Variants in PTPRD observed in about 807,000 individuals in gnomAD.
PTPRD encodes receptor-type tyrosine-protein phosphatase delta.
PTPRD carries 34 observed loss-of-function variants against 214.5 expected under a neutral mutation model. The ratio of observed to expected loss-of-function variants is 0.16; its 90% confidence interval spans 0.12 to 0.21. The LOEUF (loss-of-function observed/expected upper bound fraction) is 0.21, where lower values mean the gene tolerates loss of function less well. PTPRD is among the 10% of genes least tolerant of loss of function. PTPRD has a pLI of 1.00. For missense variants in PTPRD, 2,545 were observed against 2,398.7 expected, an observed-to-expected ratio of 1.06 and a Z score of -1.27; for synonymous variants, 1,128 against 845.7, an observed-to-expected ratio of 1.33 and a Z score of -5.79.
At chr9:9,226,586 T>C (rs2099959625) in intron 9 of PTPRD, among the ~76,000 whole-genome samples, 1 of 151,846 alleles carries the variant, frequency 6.6e-6, no homozygotes, top group South Asian at 2.1e-4. Flanking sequence ...GGAAGGAACA[T>C]TGTATTGTTT....
At chr9:9,751,409 T>A (rs957538803) in intron 6 of PTPRD, among the ~76,000 whole-genome samples, 2 of 152,120 alleles carry the variant, frequency 1.3e-5, no homozygotes, top group African/African-American at 2.4e-5. Flanking sequence ...CTGAGTTAAC[T>A]CATCTCTACA....
At chr9:9,521,380 G>C (rs552465523) in intron 8 of PTPRD, among the ~76,000 whole-genome samples, 1 of 152,024 alleles carries the variant, frequency 6.6e-6, no homozygotes, top group Non-Finnish European at 1.5e-5. Flanking sequence ...CCCACATTCA[G>C]CTACTTGCTA....
Position 10,481,951 on chromosome 9 carries a change from T to C in PTPRD, c.-600+130447A>G, listed in dbSNP as rs371593475. 5.3e-5 allele frequency among the ~76,000 whole-genome samples: 8 copies of C among 152,158 alleles called. No individual in the cohort carries two copies. In the East Asian group the frequency reaches 1.2e-3, roughly 22 times the overall value. On this transcript the variant is annotated intron_variant, in intron 2 of 45. Coordinates refer to ENST00000381196, the MANE Select transcript of PTPRD (RefSeq NM_002839.4). The stretch of plus-strand genomic sequence containing the variant: ...TTTTAAAAGGAGACAAAATTATATT[T>C]AAGACTTAGACTTTATCCTCTCCAG...
chr9:10,295,329 C>T (rs1038164387), intron 3 of PTPRD, among the ~76,000 whole-genome samples: 19 of 152,008 alleles, frequency 1.2e-4, no homozygotes, highest in African/African-American at 4.6e-4. Flanking sequence ...TCAGTTTCAC[C>T]CAAACTATAG....
chr9:8,675,925 CT>C (rs765671366), intron 12 of PTPRD, among the ~76,000 whole-genome samples: 2 of 152,172 alleles, frequency 1.3e-5, no homozygotes, highest in Non-Finnish European at 2.9e-5. Flanking sequence ...CTGTGACATA[CT>C]GCAATGTGCT....
Position 8,758,373 on chromosome 9 carries a change from G to C in PTPRD, c.-103-24427C>G, listed in dbSNP as rs1203491497. On this transcript the variant is annotated intron_variant, in intron 11 of 45. Transcript: ENST00000381196. The stretch of plus-strand genomic sequence containing the variant: ...TTAAGGCATCAGGGCTGAACTCTGT[G>C]AGTTCAGGATGGGAAAAGCTGATAC... Among the ~76,000 whole-genome samples the C allele has an allele frequency of 2.0e-5, 3 of 152,150 alleles. No individual in the cohort carries two copies. The East Asian group carries it at 5.8e-4, about 29-fold the overall frequency.
intron 8 of PTPRD, among the ~76,000 whole-genome samples, chr9:9,521,492 G>A (rs568186084): frequency 3.7e-4 from 56 of 152,228 alleles, no homozygotes; most frequent in African/African-American, 1.3e-3. Flanking sequence ...TCTTGAAACT[G>A]GAAGAAACCT....
At chr9:8,732,090 G>T (rs944310389) in intron 12 of PTPRD, among the ~76,000 whole-genome samples, 2 of 152,194 alleles carry the variant, frequency 1.3e-5, no homozygotes, top group African/African-American at 4.8e-5. Context: ...GAAGAAGAAC[G>T]AGAGGAAGAT....
chr9:9,225,544 C>T (rs1401801052), intron 9 of PTPRD, among the ~76,000 whole-genome samples: 3 of 152,192 alleles, frequency 2.0e-5, no homozygotes, highest in Non-Finnish European at 2.9e-5. Context: ...CACTTCCTCA[C>T]ACATCACCCA....
In PTPRD at chr9:8,454,638, G is replaced by A. The variant is rs758752426; in HGVS notation, c.3876-4801C>T. 8 of 1,605,218 alleles carry A rather than the reference G, an allele frequency of 5.0e-6. No individual in the cohort carries two copies. The Admixed American group carries it at 6.7e-5, about 13-fold the overall frequency. ...AAAAAAGGAAAAAGAAAGGCTAAATGTTAGTTGGCCAATGGTAACAAGGAT... is the reference window on the plus strand; with the variant it reads ...AAAAAAGGAAAAAGAAAGGCTAAATATTAGTTGGCCAATGGTAACAAGGAT... On this transcript the variant is annotated intron_variant, in intron 33 of 45. Coordinates refer to ENST00000381196, the MANE Select transcript of PTPRD (RefSeq NM_002839.4).
intron 4 of PTPRD, among the ~76,000 whole-genome samples, chr9:9,989,538 C>T (rs1383652546): frequency 6.6e-6 from 1 of 152,066 alleles, no homozygotes; most frequent in East Asian, 1.9e-4. Context: ...ATTCCATCCC[C>T]CTTCTAGCTC....
chr9:9,510,022 C>T (rs1408539045), intron 8 of PTPRD, among the ~76,000 whole-genome samples: 2 of 151,662 alleles, frequency 1.3e-5, no homozygotes, highest in East Asian at 3.9e-4. Context: ...CCTTGTCTTT[C>T]CTGCTCAGTG....
chr9:8,540,439 C>T (rs1315347716), intron 14 of PTPRD, among the ~76,000 whole-genome samples: 1 of 151,966 alleles, frequency 6.6e-6, no homozygotes, highest in Non-Finnish European at 1.5e-5. Context: ...TATTTAATTA[C>T]AAACAATGAA....
chr9:8,467,899 A>G (rs1254256847), intron 31 of PTPRD, among the ~76,000 whole-genome samples: 2 of 151,966 alleles, frequency 1.3e-5, no homozygotes, highest in Non-Finnish European at 2.9e-5. Flanking sequence ...AGGAAAATGC[A>G]CTGCAGAGGT....
intron 7 of PTPRD, among the ~76,000 whole-genome samples, chr9:9,586,238 G>A (rs1331776949): frequency 2.6e-5 from 4 of 151,936 alleles, no homozygotes; most frequent in Non-Finnish European, 5.9e-5. Flanking sequence ...ACAGCCAGTA[G>A]TTTTGCTGTA....
At chr9:10,611,892 C>T (rs946424951) in intron 2 of PTPRD, among the ~76,000 whole-genome samples, 1 of 143,362 alleles carries the variant, frequency 7.0e-6, no homozygotes, top group Non-Finnish European at 1.5e-5. Flanking sequence ...TCCTTATTAA[C>T]TTTCCCTTTT....
At chr9:9,378,951 G>C (rs372886788) in intron 9 of PTPRD, among the ~76,000 whole-genome samples, 16 of 151,330 alleles carry the variant, frequency 1.1e-4, no homozygotes, top group Non-Finnish European at 2.2e-4. Flanking sequence ...CCATTCTGTG[G>C]CTTATCTTCT....
rs553910387 is a variant in PTPRD, at chr9:9,713,109, C to T, written c.-287+21424G>A. Among the ~76,000 whole-genome samples the T allele has an allele frequency of 7.4e-5, 11 of 148,860 alleles. No homozygotes were observed. The East Asian group carries it at 2.1e-3, about 29-fold the overall frequency. ...AAGATTATTCTACTTGGCAAATGGC[C>T]TATTGCACTGATATCCACCTTTGGT... On this transcript the variant is annotated intron_variant, in intron 7 of 45. Coordinates refer to ENST00000381196, the MANE Select transcript of PTPRD (RefSeq NM_002839.4).
intron 8 of PTPRD, among the ~76,000 whole-genome samples, chr9:9,527,396 G>GT (rs1014249071): frequency 6.6e-6 from 1 of 152,150 alleles, no homozygotes; most frequent in Non-Finnish European, 1.5e-5. Context: ...GTGGGCACTT[G>GT]TTGTGGCACC....
Sources: allele counts gnomAD v4.1 joint callset (sites outside exome capture counted in the v4.1 genomes callset), GRCh38; gene constraint gnomAD v4.1.1; transcripts MANE v1.5; gene names NCBI Gene and HGNC (gene_info 2026-07-23, HGNC 2026-07-21).